COL14A1: variants seen among roughly 807,000 people sequenced by gnomAD.
COL14A1 encodes collagen type XIV alpha 1 chain.
A neutral mutation model predicts 230.3 loss-of-function variants in COL14A1; 136 were observed. The ratio of observed to expected loss-of-function variants is 0.59; its 90% CI spans 0.51 to 0.68. The LOEUF (loss-of-function observed/expected upper bound fraction) is 0.68. Among genes scored for constraint, COL14A1 ranks in the 30% least tolerant of loss-of-function variants. The pLI, the probability that COL14A1 is intolerant of heterozygous loss-of-function variation, is 0.00. For missense variants in COL14A1, 1,976 were observed against 2,215.8 expected (o/e 0.89, Z 2.17); for synonymous variants, 792 against 784.1 (o/e 1.01, Z -0.17).
intron 40 of COL14A1, among the ~76,000 whole-genome samples, chr8:120,320,618 C>A (rs1821403776): frequency 6.6e-6 from 1 of 152,120 alleles, no homozygotes; most frequent in African/African-American, 2.4e-5. Context: ...TTGTAAAATA[C>A]TAAGATTCAT....
rs1302922278 is a variant in COL14A1 at position 120,183,953 on chromosome 8, A to G, written c.437-12838A>G. ...GGAGTTAGTTCTGGGTTTGAATTTG[A>G]ATTCAGCTTTTCCACTTGCTCAGTG... On this transcript the variant is annotated intron_variant, in intron 5 of 47. Coordinates refer to ENST00000297848, the MANE Select transcript of COL14A1 (RefSeq NM_021110.4). 2.6e-5 allele frequency among the ~76,000 whole-genome samples: 4 copies of G among 152,186 alleles called. No individual in the cohort carries two copies. In the East Asian group the frequency reaches 7.7e-4, roughly 29 times the overall value.
At chr8:120,345,330 TG>T in intron 44 of COL14A1, 44 bp from the exon 45 acceptor site, 1 of 1,511,564 alleles carries the variant, frequency 6.6e-7, no homozygotes, top group South Asian at 1.3e-5. Context: ...TCTCTTTCCT[TG>T]TGTGACAGTT....
intron 35 of COL14A1, among the ~76,000 whole-genome samples, chr8:120,298,600 TATATATATATATA>T (rs1820604420): frequency 5.1e-5 from 2 of 38,934 alleles, no homozygotes; most frequent in East Asian, 5.5e-4. Context: ...ATATATTTTA[TATATATATATATA>T]TATATATATA....
At chr8:120,200,399 C>T (rs1179373819) in intron 8 of COL14A1, among the ~76,000 whole-genome samples, 1 of 151,820 alleles carries the variant, frequency 6.6e-6, no homozygotes, top group African/African-American at 2.4e-5. Flanking sequence ...GAATATGGTG[C>T]ATTTTTCTTT....
Position 120,278,559 on chromosome 8 carries a change from C to T in COL14A1, c.3462C>T (p.Ser1154=), listed in dbSNP as rs1819928774. The T allele has an allele frequency of 2.5e-6, 4 of 1,612,194 alleles. 1 individual carries two copies. The South Asian group carries it at 4.4e-5, about 18-fold the overall frequency. Residue 1154 remains serine (S), a synonymous_variant, in exon 28 of 48, where the codon TCC becomes TCT. Transcript: ENST00000297848. ...CACAAGATGATGTGAACAAAATCTC[C>T]AGGGAGATGCAATTAGATGGTAAGA... ...GRSQDDVNKI[S]REMQLDGYSI...
chr8:120,203,675 A>T (rs775213525), intron 8 of COL14A1, 34 bp from the exon 9 acceptor site: 1 of 1,609,404 alleles, frequency 6.2e-7, no homozygotes, highest in South Asian at 1.1e-5. Flanking sequence ...GGGGGCATAA[A>T]AGTCACCATT....
chr8:120,287,725 A>G (rs1469046943), intron 33 of COL14A1, among the ~76,000 whole-genome samples: 2 of 152,180 alleles, frequency 1.3e-5, no homozygotes, highest in African/African-American at 2.4e-5. Context: ...AACAAGGAAA[A>G]AAATTCAAAA....
Position 120,209,679 on chromosome 8 carries a change from C to T in COL14A1, c.1322-77C>T. On this transcript the variant is annotated intron_variant, in intron 11 of 47. Transcript: ENST00000297848. ...TCCCTTCCCCTCAAATATGGTCAATCTTATTTCTTGATAATTTCATTTTTC... is the reference window on the plus strand; with the variant it reads ...TCCCTTCCCCTCAAATATGGTCAATTTTATTTCTTGATAATTTCATTTTTC... The T allele has an allele frequency of 2.1e-6, 3 of 1,424,298 alleles. No homozygotes were observed. In the South Asian group the frequency reaches 4.2e-5, roughly 20 times the overall value. The allele number at this position is 1,424,298 out of a possible 1,614,324, so 88.2% of individuals were successfully genotyped here. A position where few individuals can be genotyped will look rare whatever the true frequency, so the allele number is the denominator to read the frequency against.
rs1370354682 is a variant in COL14A1, at chr8:120,338,745, TAG to T, written c.4786-2577_4786-2576del. 2.6e-5 allele frequency among the ~76,000 whole-genome samples: 4 copies of T among 152,348 alleles called. No individual in the cohort carries two copies. In the East Asian group the frequency reaches 7.7e-4, roughly 29 times the overall value. Reference sequence around the variant, plus strand: ...AGCCTACGTATCAGCTATTAGTATTTAGAGTGTCATAATGTATTAAAATATGG... The same window carrying T: ...AGCCTACGTATCAGCTATTAGTATTTAGTGTCATAATGTATTAAAATATGG... On this transcript the variant is annotated intron_variant, in intron 42 of 47. Coordinates refer to ENST00000297848, the MANE Select transcript of COL14A1 (RefSeq NM_021110.4).
At chr8:120,189,717 G>C (rs1419307001) in intron 5 of COL14A1, among the ~76,000 whole-genome samples, 1 of 131,212 alleles carries the variant, frequency 7.6e-6, no homozygotes, top group Non-Finnish European at 1.7e-5. Context: ...TCCCACCTAT[G>C]AGTGAGAACA....
intron 8 of COL14A1, among the ~76,000 whole-genome samples, chr8:120,202,874 T>G (rs1817295582): frequency 6.6e-6 from 1 of 151,508 alleles, no homozygotes; most frequent in South Asian, 2.1e-4. Flanking sequence ...AATTTTCTAT[T>G]TACATTAGTA....
At chr8:120,366,270 T>C (rs1823403568) in intron 45 of COL14A1, among the ~76,000 whole-genome samples, 1 of 152,232 alleles carries the variant, frequency 6.6e-6, no homozygotes. Context: ...CCTGTCAAAT[T>C]GGCCATTTTT....
rs997981176 is a variant in COL14A1 at position 120,151,378 on chromosome 8, C to G, written c.88+3448C>G. On this transcript the variant is annotated intron_variant, in intron 2 of 47. Coordinates refer to ENST00000297848, the MANE Select transcript of COL14A1 (RefSeq NM_021110.4). ...GAAAAAAAAATAGTCTGGTGGCTCA[C>G]GTCTATAATCCCAGCACTTTGGGAG... 7.2e-5 allele frequency among the ~76,000 whole-genome samples: 11 copies of G among 152,086 alleles called. No individual in the cohort carries two copies. In the South Asian group the frequency reaches 2.1e-3, roughly 29 times the overall value.
At chr8:120,170,292 A>G (rs1187636914) in intron 5 of COL14A1, among the ~76,000 whole-genome samples, 1 of 151,958 alleles carries the variant, frequency 6.6e-6, no homozygotes, top group African/African-American at 2.4e-5. Context: ...ATGCATTTTA[A>G]AATATCCAAG....
At chr8:120,190,913 C>T (rs2130681995) in intron 5 of COL14A1, among the ~76,000 whole-genome samples, 1 of 151,280 alleles carries the variant, frequency 6.6e-6, no homozygotes, top group Non-Finnish European at 1.5e-5. Flanking sequence ...TTTTTTATTG[C>T]ATCTATTTGA....
chr8:120,147,968 T>C, intron 2 of COL14A1, 38 bp downstream of exon 2: 1 of 1,364,638 alleles, frequency 7.3e-7, no homozygotes, highest in Non-Finnish European at 1.0e-6. Context: ...GGTCTGGGAC[T>C]CTAGCTTTCT....
chr8:120,346,125 T>G (rs1822500352), intron 45 of COL14A1, among the ~76,000 whole-genome samples: 1 of 152,248 alleles, frequency 6.6e-6, no homozygotes, highest in Admixed American at 6.5e-5. Context: ...CGGCTCATCT[T>G]CCTATTATAT....
chr8:120,218,172 T>A (rs573800531), intron 14 of COL14A1, among the ~76,000 whole-genome samples: 46 of 136,400 alleles, frequency 3.4e-4, no homozygotes, highest in African/African-American at 1.2e-3. Context: ...AATATAAATA[T>A]ATATAAATAT....
intron 23 of COL14A1, among the ~76,000 whole-genome samples, chr8:120,261,665 G>C (rs1392827151): frequency 6.6e-6 from 1 of 152,172 alleles, no homozygotes; most frequent in African/African-American, 2.4e-5. Flanking sequence ...TGGAGAAAAA[G>C]ACAGAGAAGG....
Sources: allele counts gnomAD v4.1 joint callset (sites outside exome capture counted in the v4.1 genomes callset), GRCh38; gene constraint gnomAD v4.1.1; transcripts MANE v1.5; gene names NCBI Gene and HGNC (gene_info 2026-07-23, HGNC 2026-07-21).